The following SLC43A2 variants were observed in gnomAD, a reference collection of about 807,000 sequenced individuals.
The protein encoded by SLC43A2 is solute carrier family 43 member 2.
Under a neutral mutation model 63.2 loss-of-function variants are expected in SLC43A2, and 38 were observed. That is an observed-to-expected ratio of 0.60 (90% CI 0.46 to 0.79). The LOEUF (loss-of-function observed/expected upper bound fraction) is 0.79. Ranked by LOEUF, SLC43A2 falls within the 30% of genes least tolerant of loss-of-function variation. SLC43A2 has a pLI of 0.00. For missense variants in SLC43A2, 644 were observed against 756.2 expected (o/e 0.85, Z 1.74); for synonymous variants, 322 against 331.0 (o/e 0.97, Z 0.30).
chr17:1,587,229 G>A (rs558560453), intron 9 of SLC43A2, among the ~76,000 whole-genome samples: 11 of 152,296 alleles, frequency 7.2e-5, no homozygotes, highest in South Asian at 2.1e-4. Context: ...TGCTGGTGCC[G>A]GGTCACAGGC....
chr17:1,599,770 C>T (rs756715794), intron 5 of SLC43A2, among the ~76,000 whole-genome samples: 33 of 151,814 alleles, frequency 2.2e-4, no homozygotes, highest in East Asian at 3.9e-4. Context: ...TTTGGCCAGG[C>T]GCGGTGGCTC....
chr17:1,600,150 ATATTTT>A (rs1318401575), intron 5 of SLC43A2, among the ~76,000 whole-genome samples: 5 of 77,538 alleles, frequency 6.4e-5, no homozygotes, highest in African/African-American at 2.5e-4. Flanking sequence ...ATATATATAT[ATATTTT>A]TTTTTTTTTT....
intron 3 of SLC43A2, among the ~76,000 whole-genome samples, chr17:1,615,829 G>C (rs534035886): frequency 2.0e-4 from 24 of 120,214 alleles, no homozygotes; most frequent in South Asian, 8.2e-4. Flanking sequence ...GGCGACAGAG[G>C]GAGACTCCAT....
chr17:1,615,587 T>C (rs1466366258), intron 3 of SLC43A2, among the ~76,000 whole-genome samples: 1 of 148,466 alleles, frequency 6.7e-6, no homozygotes, highest in East Asian at 2.0e-4. Flanking sequence ...CTCACGCCTG[T>C]AATCCCAGCA....
chr17:1,628,088 AC>A, intron 1 of SLC43A2, 168 bp from the exon 2 acceptor site: 1 of 611,776 alleles, frequency 1.6e-6, no homozygotes, highest in Non-Finnish European at 2.3e-6. Flanking sequence ...GACCTGGGAC[AC>A]CCCGAGCCCG....
Position 1,622,693 on chromosome 17 carries a change from C to T in SLC43A2, c.160+5022G>A, listed in dbSNP as rs565805355. 4.8e-3 allele frequency among the ~76,000 whole-genome samples: 734 copies of T among 152,286 alleles called. 7 individuals are homozygous for T. The highest frequency in any genetic ancestry group is 0.017 in the African/African-American group (701 of 41,550). Reference sequence around the variant, plus strand: ...CTTTGGGAGGCCAAGGCTGGTAGATCACCTGAGGTCAGGAGTTTGAGACCA... The same window carrying T: ...CTTTGGGAGGCCAAGGCTGGTAGATTACCTGAGGTCAGGAGTTTGAGACCA... On this transcript the variant is annotated intron_variant, in intron 2 of 13. Transcript: ENST00000301335.
At chr17:1,607,963 G>A (rs1379151504) in intron 5 of SLC43A2, among the ~76,000 whole-genome samples, 5 of 152,036 alleles carry the variant, frequency 3.3e-5, no homozygotes, top group Non-Finnish European at 5.9e-5. Context: ...TGATCCACCC[G>A]CCTCAGCCTC....
In SLC43A2 at chr17:1,575,383, A is replaced by T; in HGVS notation, c.*221T>A. On this transcript the variant is annotated 3_prime_UTR_variant, in exon 14 of 14. Transcript: ENST00000301335. ...GGGTCCCCGGGGGGCGGCAGAGCAA[A>T]GTCAGGGCAGCCCCTGCGTTCGGCA... is the stretch of plus-strand genomic sequence containing the variant. 1 of 606,430 alleles carries T rather than the reference A, an allele frequency of 1.6e-6. No homozygotes were observed. Among genetic ancestry groups the T allele is most frequent in the Non-Finnish European group, 2.8e-6 (1 of 354,096 alleles). The allele number at this position is 606,430 out of a possible 1,614,324, so 37.6% of individuals were successfully genotyped here.
chr17:1,616,959 GTAGAGGTTCT>G (rs1907741673), intron 2 of SLC43A2, among the ~76,000 whole-genome samples, 190 bp from the exon 3 acceptor site: 1 of 152,240 alleles, frequency 6.6e-6, no homozygotes, highest in South Asian at 2.1e-4. Context: ...GAGTGAAAAT[GTAGAGGTTCT>G]TAACTTTTGT....
chr17:1,595,499 A>G (rs1362588938), intron 5 of SLC43A2, among the ~76,000 whole-genome samples: 1 of 151,786 alleles, frequency 6.6e-6, no homozygotes. Context: ...GCTGGAATGC[A>G]CTGACATGCA....
chr17:1,599,426 G>A (rs1009018214), intron 5 of SLC43A2, among the ~76,000 whole-genome samples: 9 of 152,086 alleles, frequency 5.9e-5, no homozygotes, highest in Admixed American at 2.6e-4. Flanking sequence ...GAGGCCAGAC[G>A]CAGTGGCTCA....
At chr17:1,615,066 C>A in intron 3 of SLC43A2, 32 bp from the exon 4 acceptor site, 1 of 1,612,834 alleles carries the variant, frequency 6.2e-7, no homozygotes, top group Non-Finnish European at 8.5e-7. Flanking sequence ...ATGTTATTTA[C>A]CATTATGACT....
intron 5 of SLC43A2, among the ~76,000 whole-genome samples, chr17:1,599,447 C>T (rs538652191): frequency 2.0e-5 from 3 of 152,134 alleles, no homozygotes; most frequent in Admixed American, 1.3e-4. Context: ...CATCTATAAT[C>T]CCAGCACTTT....
chr17:1,580,343 A>G (rs374714198), intron 11 of SLC43A2, among the ~76,000 whole-genome samples: 3 of 152,310 alleles, frequency 2.0e-5, no homozygotes, highest in South Asian at 4.1e-4. Context: ...GGAAGTCGGC[A>G]AACACTAGAA....
At chr17:1,611,627 C>CAA (rs11377420) in intron 5 of SLC43A2, among the ~76,000 whole-genome samples, 1,866 of 120,430 alleles carry the variant, frequency 0.015, 37 homozygotes, top group African/African-American at 0.052. Context: ...CGAGCAGACT[C>CAA]AAAAAAAAAA....
chr17:1,578,176 G>T lies in SLC43A2; in HGVS notation c.1424+74C>A. ...AGGCTGACCCTGCCTCAGAGTCTCA[G>T]TCCCACCAGCAACCTCCCCCCGGCC... On this transcript the variant is annotated intron_variant, in intron 12 of 13. Transcript: ENST00000301335. This position sits in a 1 kb window ranked among gnomAD's most constrained non-coding sequence, Gnocchi z 6.5. The T allele has an allele frequency of 1.4e-6, 2 of 1,465,116 alleles. No individual in the cohort carries two copies. The highest frequency in any genetic ancestry group is 1.9e-6 in the Non-Finnish European group (2 of 1,051,846). The allele number at this position is 1,465,116 out of a possible 1,614,324, so 90.8% of individuals were successfully genotyped here.
At chr17:1,579,472 A>C (rs2075980984) in intron 11 of SLC43A2, among the ~76,000 whole-genome samples, 1 of 151,682 alleles carries the variant, frequency 6.6e-6, no homozygotes, top group Non-Finnish European at 1.5e-5. Flanking sequence ...AAAAAAAAAA[A>C]ATTACATAAA....
intron 2 of SLC43A2, 81 bp downstream of exon 2, chr17:1,627,634 C>G: frequency 1.0e-6 from 1 of 974,552 alleles, no homozygotes; most frequent in Non-Finnish European, 1.5e-6. Context: ...TGCTGTGGCT[C>G]GCTAGGTCTT....
rs181227212 is a variant in SLC43A2, at chr17:1,596,832, C to T, written c.502-3553G>A. On this transcript the variant is annotated intron_variant, in intron 5 of 13. Transcript: ENST00000301335. ...AGAAGATATACAAATGGCCAATAAGCATATGGAAAGATGCTCAACATCATT... is the reference window on the plus strand; with the variant it reads ...AGAAGATATACAAATGGCCAATAAGTATATGGAAAGATGCTCAACATCATT... Among the ~76,000 whole-genome samples, 6 of 152,288 alleles carry T rather than the reference C, an allele frequency of 3.9e-5. No individual in the cohort carries two copies. In the East Asian group the frequency reaches 1.2e-3, roughly 29 times the overall value.
Sources: gnomAD v4.1 joint callset for allele counts (sites outside exome capture counted in the v4.1 genomes callset) on GRCh38, gnomAD v4.1.1 for gene constraint, Gnocchi (gnomAD v3.1) non-coding constraint, MANE v1.5 for transcripts, NCBI Gene and HGNC (gene_info 2026-07-23, HGNC 2026-07-21) for gene names.